Variants in COL4A4 observed in about 807,000 individuals in gnomAD.
COL4A4 encodes collagen type IV alpha 4 chain.
Under a neutral mutation model 192.9 loss-of-function variants are expected in COL4A4, and 105 were observed. The observed-to-expected ratio is 0.54, with a 90% confidence interval of 0.46 to 0.64. The LOEUF is 0.64. Ranked by LOEUF, COL4A4 falls within the 30% of genes least tolerant of loss-of-function variation. The probability of loss-of-function intolerance (pLI) is 0.00; values close to 1 mark genes in which losing one functional copy is unlikely to be tolerated. For missense variants in COL4A4, 1,967 were observed against 2,169.3 expected (o/e 0.91, Z 1.85); for synonymous variants, 762 against 769.9 (o/e 0.99, Z 0.17).
intron 1 of COL4A4, among the ~76,000 whole-genome samples, chr2:227,158,268 A>C (rs1401370888): frequency 1.3e-5 from 2 of 152,148 alleles, no homozygotes; most frequent in Non-Finnish European, 2.9e-5. Flanking sequence ...AACTGGTGCC[A>C]CAACAAGTGG....
chr2:227,115,059 T>TAG (rs977823365), intron 7 of COL4A4, among the ~76,000 whole-genome samples: 15 of 147,268 alleles, frequency 1.0e-4, no homozygotes, highest in Middle Eastern at 3.5e-3. Flanking sequence ...TATATATATA[T>TAG]AGAGAGAGAG....
At chr2:227,054,564 A>G (rs1323012961) in intron 31 of COL4A4, 30 bp downstream of exon 31, 2 of 1,613,558 alleles carry the variant, frequency 1.2e-6, no homozygotes, top group African/African-American at 2.7e-5. Context: ...CCAGAAACAA[A>G]TGCATGTTGC....
Position 227,101,601 on chromosome 2 carries a change from G to A in COL4A4, c.976-44C>T, listed in dbSNP as rs771190104. On this transcript the variant is annotated intron_variant, in intron 16 of 47. Coordinates refer to ENST00000396625, the MANE Select transcript of COL4A4 (RefSeq NM_000092.5). Reference sequence around the variant, plus strand: ...ATGCCTTAAAAAAAAAAAGTGACTGGGTGACAAATTATCTCATTCTCATTT... The same window carrying A: ...ATGCCTTAAAAAAAAAAAGTGACTGAGTGACAAATTATCTCATTCTCATTT... 2.0e-6 allele frequency: 3 copies of A among 1,529,566 alleles called. No individual in the cohort carries two copies. In the Admixed American group the frequency reaches 5.1e-5, roughly 26 times the overall value. 94.7% of individuals were successfully genotyped at this position (1,529,566 alleles called of 1,614,324 possible).
intron 1 of COL4A4, among the ~76,000 whole-genome samples, chr2:227,148,929 C>G (rs1276296396): frequency 6.6e-6 from 1 of 151,642 alleles, no homozygotes; most frequent in Non-Finnish European, 1.5e-5. Context: ...GCTGCCTCTG[C>G]CTCCTGGGTT....
At chr2:227,078,996 C>A (rs62226767) in intron 24 of COL4A4, among the ~76,000 whole-genome samples, 37,647 of 152,144 alleles carry the variant, frequency 0.25, 5,687 homozygotes, top group South Asian at 0.36. Flanking sequence ...CCCTCACTGG[C>A]AATCCCTGGT....
Position 227,008,393 on chromosome 2 carries a change from T to TA in COL4A4, c.4523-90dup. 9.0e-6 allele frequency: 13 copies of TA among 1,449,816 alleles called. No homozygotes were observed. In the South Asian group the frequency reaches 1.4e-4, roughly 16 times the overall value. The allele number at this position is 1,449,816 out of a possible 1,614,324, so 89.8% of individuals were successfully genotyped here. On this transcript the variant is annotated intron_variant, in intron 46 of 47. Transcript: ENST00000396625. ...CCTTCCTCCATCTGGCCTTTGCAGA[T>TA]ACGTGTTCTGAAATCTGGAGGCCCT...
At chr2:227,026,531 C>A (rs1369274049) in intron 42 of COL4A4, among the ~76,000 whole-genome samples, 2 of 151,760 alleles carry the variant, frequency 1.3e-5, no homozygotes, top group Non-Finnish European at 2.9e-5. Context: ...AACATATAAG[C>A]CCTTGTTCCT....
rs2150181398 is a variant in COL4A4, at chr2:227,051,001, A to C, written c.3126T>G (p.Gly1042=). 6.2e-7 allele frequency: 1 copy of C among 1,614,176 alleles called. No individual in the cohort carries two copies. Among genetic ancestry groups the C allele is most frequent in the Middle Eastern group, 1.6e-4 (1 of 6,062 alleles). Residue 1042 remains glycine (G), a synonymous_variant, in exon 33 of 48, where the codon GGT becomes GGG. Transcript: ENST00000396625. ...PGSTGLRGFI[G]FPGLPGDQGE... ...CCTGGTCACCTGGAAGTCCTGGAAAACCAATGAACCCTCTTAGACCAGTTG... is the reference window on the plus strand; with the variant it reads ...CCTGGTCACCTGGAAGTCCTGGAAACCCAATGAACCCTCTTAGACCAGTTG...
In COL4A4 at chr2:227,121,127, G is replaced by A. The variant is rs1439965299; in HGVS notation, c.214C>T (p.Pro72Ser). 4 of 1,614,102 alleles carry A rather than the reference G, an allele frequency of 2.5e-6. No individual in the cohort carries two copies. The highest frequency in any genetic ancestry group is 3.4e-6 in the Non-Finnish European group (4 of 1,179,994). ...GSRGPPGPPG[P>S]QGPIGPLGAP... ...CCCAGGGGTCCAATTGGACCCTGTG[G>A]CCCTGGTGGTCCTGGTGGACCCTGA... The change falls in exon 5 of 48, where the codon CCA becomes TCA. Residue 72 changes from proline (P) to serine (S), a missense_variant. Transcript: ENST00000396625.
the COL4A4 span, among the ~76,000 whole-genome samples, chr2:226,978,998 AAG>A: frequency 2.0e-5 from 3 of 152,234 alleles, no homozygotes; most frequent in Non-Finnish European, 4.4e-5. Flanking sequence ...ATGTATAAAA[AAG>A]AGTTTATTAT....
At chr2:227,025,755 T>G in intron 43 of COL4A4, 47 bp downstream of exon 43, 2 of 1,564,934 alleles carry the variant, frequency 1.3e-6, no homozygotes, top group Non-Finnish European at 1.8e-6. Flanking sequence ...CAGAAATGAC[T>G]AGAAACCAGA....
chr2:227,094,149 GGCCTGGTGCTCCAGGCAA>G lies in COL4A4; in HGVS notation c.1327_1344del (p.Pro444_Leu449del), dbSNP rs1203564054. ...CCACTTGATCCTGGGAGGCCCTGCA[GGCCTGGTGCTCCAGGCAA>G]GCCAGGTGATCCTGGCTTCCCTGGT... On this transcript the variant is annotated inframe_deletion, in exon 20 of 48. Transcript: ENST00000396625. 1.1e-5 allele frequency: 17 copies of G among 1,613,696 alleles called. No homozygotes were observed. The highest frequency in any genetic ancestry group is 2.2e-5 in the East Asian group (1 of 44,900).
At chr2:227,010,530 G>A (rs543921073) in intron 45 of COL4A4, 29 bp from the exon 46 acceptor site, 12 of 1,502,012 alleles carry the variant, frequency 8.0e-6, no homozygotes, top group Non-Finnish European at 9.8e-6. Flanking sequence ...AAAATTGAAG[G>A]CAGGTTAGGG....
rs745900558 is a variant in COL4A4, at chr2:227,108,566, A to C, written c.735+15T>G. The C allele has an allele frequency of 6.2e-7, 1 of 1,613,096 alleles. No individual in the cohort carries two copies. Among genetic ancestry groups the C allele is most frequent in the Non-Finnish European group, 8.5e-7 (1 of 1,179,030 alleles). On this transcript the variant is annotated intron_variant, in intron 12 of 47. Transcript: ENST00000396625. ...ACGTCACCATCTGCTCCTCAGAGCA[A>C]GAGGGAATTCTTACCGGGTCTCCCA...
chr2:227,042,725 T>C (rs1971705776), intron 36 of COL4A4, among the ~76,000 whole-genome samples: 1 of 152,116 alleles, frequency 6.6e-6, no homozygotes, highest in South Asian at 2.1e-4. Context: ...GAGGCTACAG[T>C]GAGCTATGAT....
chr2:227,032,084 C>G lies in COL4A4; in HGVS notation c.3707-29G>C. The G allele has an allele frequency of 1.9e-6, 3 of 1,613,966 alleles. No homozygotes were observed. In the East Asian group the frequency reaches 6.7e-5, roughly 36 times the overall value. Reference sequence around the variant, plus strand: ...AGAAGAGACATGTTCACATGTTATCCTCATTGCATTTGGAAGGTTTTGGTT... The same window carrying G: ...AGAAGAGACATGTTCACATGTTATCGTCATTGCATTTGGAAGGTTTTGGTT... On this transcript the variant is annotated intron_variant, in intron 39 of 47. Coordinates refer to ENST00000396625, the MANE Select transcript of COL4A4 (RefSeq NM_000092.5).
rs920414127 is a variant in COL4A4, at chr2:227,047,139, G to A, written c.3289+336C>T. On this transcript the variant is annotated intron_variant, in intron 35 of 47. Transcript: ENST00000396625. ...AATGCATCATTTTAAATGATAGAGGGTGCAAAATGGTCCAGATTTTAATTG... is the reference window on the plus strand; with the variant it reads ...AATGCATCATTTTAAATGATAGAGGATGCAAAATGGTCCAGATTTTAATTG... Among the ~76,000 whole-genome samples, 22 of 152,036 alleles carry A rather than the reference G, an allele frequency of 1.4e-4. No individual in the cohort carries two copies. In the South Asian group the frequency reaches 2.3e-3, roughly 16 times the overall value.
chr2:227,062,367 A>G (rs1163900394), intron 26 of COL4A4, among the ~76,000 whole-genome samples, 163 bp downstream of exon 26: 2 of 152,172 alleles, frequency 1.3e-5, no homozygotes, highest in East Asian at 1.9e-4. Context: ...TAGAGGCCCA[A>G]CTACAAATTA....
intron 4 of COL4A4, among the ~76,000 whole-genome samples, chr2:227,127,388 C>G (rs1233068865): frequency 6.6e-6 from 1 of 152,164 alleles, no homozygotes; most frequent in Non-Finnish European, 1.5e-5. Context: ...CCTAGAGCAG[C>G]AGTAGGCTCT....
Sources: allele counts gnomAD v4.1 joint callset (sites outside exome capture counted in the v4.1 genomes callset), GRCh38; gene constraint gnomAD v4.1.1; transcripts MANE v1.5; gene names NCBI Gene and HGNC (gene_info 2026-07-23, HGNC 2026-07-21).